Variants in NUDT21 observed in about 807,000 individuals in gnomAD.
NUDT21 encodes nudix hydrolase 21.
In NUDT21, 5 loss-of-function variants were observed where a neutral mutation model predicts 29.8. That is an observed-to-expected ratio of 0.17 (90% CI 0.09 to 0.35). NUDT21 has a LOEUF of 0.35. Among genes scored for constraint, NUDT21 ranks in the 10% least tolerant of loss-of-function variants. The pLI is 1.00. For missense variants in NUDT21, 76 were observed against 276.0 expected (o/e 0.28, Z 5.13); for synonymous variants, 113 against 98.5 (o/e 1.15, Z -0.87).
At chr16:56,437,440 C>A (rs1363133154) in intron 4 of NUDT21, among the ~76,000 whole-genome samples, 1 of 152,212 alleles carries the variant, frequency 6.6e-6, no homozygotes, top group Non-Finnish European at 1.5e-5. Context: ...CATACTGACA[C>A]TTTAAAGGTC....
At chr16:56,451,019 G>A in intron 1 of NUDT21, 68 bp downstream of exon 1, 2 of 1,355,694 alleles carry the variant, frequency 1.5e-6, no homozygotes, top group Non-Finnish European at 2.1e-6. Flanking sequence ...CGAAAAGCCG[G>A]GGGCGCGTCG....
At chr16:56,447,285 G>C (rs932289600) in intron 2 of NUDT21, among the ~76,000 whole-genome samples, 1 of 152,136 alleles carries the variant, frequency 6.6e-6, no homozygotes, top group Non-Finnish European at 1.5e-5. Context: ...ACATTCTTTA[G>C]GCCTAAAGAA....
At chr16:56,436,580 G>C (rs1962106432) in intron 4 of NUDT21, among the ~76,000 whole-genome samples, 1 of 152,172 alleles carries the variant, frequency 6.6e-6, no homozygotes, top group African/African-American at 2.4e-5. Flanking sequence ...CACAGAGAAA[G>C]TGGCCTGAAT....
intron 4 of NUDT21, 46 bp downstream of exon 4, chr16:56,439,611 A>C: frequency 8.1e-7 from 1 of 1,240,504 alleles, no homozygotes. Flanking sequence ...GAATTAAACG[A>C]GCTTTCTGCT....
In NUDT21 at chr16:56,434,387, A is replaced by C; in HGVS notation, c.606T>G (p.Tyr202Ter). ...TGGGTCCATATCCTGGTGCATTGTCATACAATTCAAACAATGGTGCAGCTA... is the reference window on the plus strand; with the variant it reads ...TGGGTCCATATCCTGGTGCATTGTCCTACAATTCAAACAATGGTGCAGCTA... ...KLVAAPLFEL[Y>*]DNAPGYGPII... Residue 202 changes from tyrosine to a stop codon, truncating the protein, a stop_gained, in exon 6 of 7, where the codon TAT becomes TAG. Transcript: ENST00000300291. LOFTEE classifies it high-confidence loss of function. 6.2e-7 allele frequency: 1 copy of C among 1,613,900 alleles called. No homozygotes were observed. Among genetic ancestry groups the C allele is most frequent in the Non-Finnish European group, 8.5e-7 (1 of 1,179,830 alleles).
chr16:56,450,065 A>G (rs574209321), intron 1 of NUDT21, among the ~76,000 whole-genome samples: 4 of 152,158 alleles, frequency 2.6e-5, no homozygotes, highest in Admixed American at 2.0e-4. Flanking sequence ...ACGGGGAGAC[A>G]ATGTCCGTTT....
chr16:56,434,662 T>C, intron 5 of NUDT21, 92 bp downstream of exon 5: 1 of 934,104 alleles, frequency 1.1e-6, no homozygotes, highest in Admixed American at 2.0e-5. Context: ...ACCCAAAAGT[T>C]CAAGGAACTT....
chr16:56,446,897 C>T (rs1215916737), intron 2 of NUDT21: 2 of 423,502 alleles, frequency 4.7e-6, no homozygotes, highest in Non-Finnish European at 8.3e-6. Flanking sequence ...GGTTTTTTTC[C>T]TCTTCGTATA....
At position 56,432,733 on chromosome 16, in the gene NUDT21, C is replaced by T. The variant is rs759677272; in HGVS notation, c.663G>A (p.Arg221=). The T allele has an allele frequency of 6.2e-7, 1 of 1,605,678 alleles. No homozygotes were observed. Among genetic ancestry groups the T allele is most frequent in the South Asian group, 1.1e-5 (1 of 90,260 alleles). Residue 221 remains arginine, a splice_region_variant and synonymous_variant, in exon 7 of 7, where the codon AGG becomes AGA. Transcript: ENST00000300291. ...IISSLPQLLS[R]FNFIYN is the part of the protein sequence containing the mutation. ...GAATTCAGTTGTAAATAAAATTGAA[C>T]CTGAATTTTAAAAAGAACAATACCT...
At chr16:56,445,758 A>C (rs1385637274) in intron 3 of NUDT21, among the ~76,000 whole-genome samples, 4 of 152,090 alleles carry the variant, frequency 2.6e-5, no homozygotes, top group Non-Finnish European at 4.4e-5. Flanking sequence ...AGTTTCCAAA[A>C]ATTTTGCTTT....
rs984106014 is a variant in NUDT21, at chr16:56,434,698, T to C, written c.547+56A>G. ...TGAGAAAACACAAATAGAGGTATCCTTGAAATTATTCTACAGAATTTTTAG... is the reference window on the plus strand; with the variant it reads ...TGAGAAAACACAAATAGAGGTATCCCTGAAATTATTCTACAGAATTTTTAG... On this transcript the variant is annotated intron_variant, in intron 5 of 6. Transcript: ENST00000300291. 1.4e-5 allele frequency: 16 copies of C among 1,169,288 alleles called. No individual in the cohort carries two copies. The East Asian group carries it at 2.6e-4, about 19-fold the overall frequency. 72.4% of individuals were successfully genotyped at this position (1,169,288 alleles called of 1,614,324 possible). A position where few individuals can be genotyped will look rare whatever the true frequency, so the allele number is the denominator to read the frequency against.
At chr16:56,438,793 AG>A (rs1380112205) in intron 4 of NUDT21, among the ~76,000 whole-genome samples, 1 of 152,250 alleles carries the variant, frequency 6.6e-6, no homozygotes, top group Non-Finnish European at 1.5e-5. Flanking sequence ...ATAAAACACA[AG>A]GAAAAAAAAA....
rs1962124580 is a variant in NUDT21, at chr16:56,438,122, C to T, written c.471+1535G>A. Among the ~76,000 whole-genome samples the T allele has an allele frequency of 3.3e-5, 5 of 152,172 alleles. No homozygotes were observed. In the South Asian group the frequency reaches 6.2e-4, roughly 19 times the overall value. ...GATTCCTGTCTCCTGGTATTCACTG[C>T]TTTGTGTAGTCCCTCCTATAGCGTA... On this transcript the variant is annotated intron_variant, in intron 4 of 6. Transcript: ENST00000300291.
chr16:56,446,460 G>GT (rs1962221747), intron 3 of NUDT21, 166 bp downstream of exon 3: 1 of 521,130 alleles, frequency 1.9e-6, no homozygotes. Context: ...TGAAATAAGT[G>GT]TAACTTCAAC....
At chr16:56,440,207 G>A (rs1962144294) in intron 3 of NUDT21, among the ~76,000 whole-genome samples, 2 of 152,032 alleles carry the variant, frequency 1.3e-5, no homozygotes, top group South Asian at 2.1e-4. Flanking sequence ...TTAAATAAAC[G>A]GTTTATTTTA....
chr16:56,435,058 T>C, intron 4 of NUDT21: 1 of 339,252 alleles, frequency 2.9e-6, no homozygotes, highest in Non-Finnish European at 5.3e-6. Flanking sequence ...ACAGGATTTA[T>C]AGCTTGAGAT....
chr16:56,434,302 T>G, intron 6 of NUDT21, 29 bp downstream of exon 6: 1 of 1,446,190 alleles, frequency 6.9e-7, no homozygotes. Flanking sequence ...TTAATATGGA[T>G]GAACCAAAAA....
In NUDT21 at chr16:56,447,016, C is replaced by T. The variant is rs537833747; in HGVS notation, c.318-327G>A. 4.4e-5 allele frequency: 9 copies of T among 203,968 alleles called. No homozygotes were observed. In the South Asian group the frequency reaches 1.2e-3, roughly 26 times the overall value. 12.6% of individuals were successfully genotyped at this position (203,968 alleles called of 1,614,324 possible). A position where few individuals can be genotyped will look rare whatever the true frequency, so the allele number is the denominator to read the frequency against. On this transcript the variant is annotated intron_variant, in intron 2 of 6. Coordinates refer to ENST00000300291, the MANE Select transcript of NUDT21 (RefSeq NM_007006.3). Reference sequence around the variant, plus strand: ...GCTTCTAGTGAACCCATCACTGAAACAGTGAACATAACATCCAATAGGAAG... The same window carrying T: ...GCTTCTAGTGAACCCATCACTGAAATAGTGAACATAACATCCAATAGGAAG...
intron 2 of NUDT21, among the ~76,000 whole-genome samples, chr16:56,447,452 C>T (rs1252759890): frequency 1.3e-5 from 2 of 152,140 alleles, no homozygotes; most frequent in Non-Finnish European, 2.9e-5. Context: ...ATCTTAAGAA[C>T]AGGAAATGCT....
Sources: allele counts gnomAD v4.1 joint callset (sites outside exome capture counted in the v4.1 genomes callset), GRCh38; gene constraint gnomAD v4.1.1; transcripts MANE v1.5; gene names NCBI Gene and HGNC (gene_info 2026-07-23, HGNC 2026-07-21).